VAT1L: variants seen among roughly 807,000 people sequenced by gnomAD.
VAT1L encodes vesicle amine transport 1 like.
A neutral mutation model predicts 44.1 loss-of-function variants in VAT1L; 34 were observed. That is an observed-to-expected ratio of 0.77 (90% CI 0.59 to 1.03). VAT1L has a LOEUF of 1.03. Among genes scored for constraint, VAT1L ranks in the 50% least tolerant of loss-of-function variants. The probability of loss-of-function intolerance (pLI) is 0.00; values close to 1 mark genes in which losing one functional copy is unlikely to be tolerated. For missense variants in VAT1L, 615 were observed against 538.8 expected, an observed-to-expected ratio of 1.14 and a Z score of -1.40; for synonymous variants, 253 against 202.2, an observed-to-expected ratio of 1.25 and a Z score of -2.13.
chr16:77,925,147 G>A (rs1184912761), intron 7 of VAT1L, among the ~76,000 whole-genome samples: 2 of 152,078 alleles, frequency 1.3e-5, no homozygotes, highest in Non-Finnish European at 2.9e-5. Flanking sequence ...TACTGCCAGG[G>A]CACACTAGGG....
intron 7 of VAT1L, among the ~76,000 whole-genome samples, chr16:77,939,935 C>T (rs1007931689): frequency 2.0e-5 from 3 of 152,142 alleles, no homozygotes; most frequent in African/African-American, 7.2e-5. Context: ...CAGCAAATTT[C>T]TCAGCAGTAG....
intron 7 of VAT1L, among the ~76,000 whole-genome samples, chr16:77,952,045 T>C (rs529207598): frequency 6.6e-6 from 1 of 152,138 alleles, no homozygotes; most frequent in Admixed American, 6.5e-5. Flanking sequence ...TGTTTGCTAA[T>C]TGGTGCTTAT....
intron 3 of VAT1L, among the ~76,000 whole-genome samples, chr16:77,830,923 A>T (rs1175744146): frequency 3.3e-5 from 5 of 152,196 alleles, no homozygotes; most frequent in Non-Finnish European, 5.9e-5. Context: ...ATCTCAGGTG[A>T]TCTGCCCGCC....
chr16:77,805,287 TC>T (rs1597168139), intron 1 of VAT1L, among the ~76,000 whole-genome samples: 1 of 152,176 alleles, frequency 6.6e-6, no homozygotes, highest in Non-Finnish European at 1.5e-5. Flanking sequence ...GTTCCCACAG[TC>T]TTGAGATAAC....
intron 4 of VAT1L, among the ~76,000 whole-genome samples, chr16:77,871,601 T>C (rs2017033868): frequency 6.6e-6 from 1 of 152,114 alleles, no homozygotes; most frequent in Non-Finnish European, 1.5e-5. Flanking sequence ...CTCTATGCAG[T>C]GGGCCCAGGG....
At chr16:77,791,134 T>C (rs1352493310) in intron 1 of VAT1L, among the ~76,000 whole-genome samples, 1 of 152,226 alleles carries the variant, frequency 6.6e-6, no homozygotes, top group Non-Finnish European at 1.5e-5. Context: ...ACTGGGCAGC[T>C]CCTTCTCCTC....
In VAT1L at chr16:77,892,466, G is replaced by C. The variant is rs1427486511; in HGVS notation, c.1077+7664G>C. The C allele has an allele frequency of 5.8e-6, 3 of 513,722 alleles. No individual in the cohort carries two copies. In the Admixed American group the frequency reaches 6.2e-5, roughly 11 times the overall value. 31.8% of individuals were successfully genotyped at this position (513,722 alleles called of 1,614,324 possible). A position where few individuals can be genotyped will look rare whatever the true frequency, so the allele number is the denominator to read the frequency against. On this transcript the variant is annotated intron_variant, in intron 7 of 8. Transcript: ENST00000302536. ...GTTGGGGTTGACAGTGCGGTTGATG[G>C]TGGGCCCTTGTGTCTCCTTTGAGCT...
chr16:77,938,986 C>G (rs566643575), intron 7 of VAT1L, among the ~76,000 whole-genome samples: 1 of 152,186 alleles, frequency 6.6e-6, no homozygotes, highest in East Asian at 1.9e-4. Context: ...CTGTCTACTC[C>G]AGGAATGAGA....
At chr16:77,938,955 G>A (rs1360982930) in intron 7 of VAT1L, among the ~76,000 whole-genome samples, 3 of 152,050 alleles carry the variant, frequency 2.0e-5, no homozygotes, top group Admixed American at 6.5e-5. Flanking sequence ...GAGTGGGTTG[G>A]GTGGTGTGAC....
intron 7 of VAT1L, among the ~76,000 whole-genome samples, chr16:77,895,136 T>C (rs688364): frequency 0.9 from 135,151 of 150,424 alleles, 61,223 homozygotes; most frequent in Non-Finnish European, 0.95. Context: ...TTCCGATTTC[T>C]ACGCACATTC....
At chr16:77,888,037 C>G (rs1189608699) in intron 7 of VAT1L, among the ~76,000 whole-genome samples, 2 of 152,200 alleles carry the variant, frequency 1.3e-5, no homozygotes, top group Non-Finnish European at 2.9e-5. Flanking sequence ...AGCCTTCAAA[C>G]ATGTTGCTCC....
chr16:77,814,524 T>C (rs1188139286), intron 1 of VAT1L, among the ~76,000 whole-genome samples: 1 of 152,196 alleles, frequency 6.6e-6, no homozygotes, highest in Non-Finnish European at 1.5e-5. Context: ...GCAGCCCAGT[T>C]GAGCAGCGTA....
At chr16:77,878,122 T>C (rs1220928558) in intron 5 of VAT1L, among the ~76,000 whole-genome samples, 3 of 152,226 alleles carry the variant, frequency 2.0e-5, no homozygotes, top group Non-Finnish European at 4.4e-5. Context: ...CGTTGATCAC[T>C]TGGTCACTAA....
Position 77,962,358 on chromosome 16 carries a change from C to T in VAT1L, c.1078-9492C>T, listed in dbSNP as rs558676124. 2.6e-5 allele frequency among the ~76,000 whole-genome samples: 4 copies of T among 152,200 alleles called. No individual in the cohort carries two copies. The East Asian group carries it at 7.7e-4, about 29-fold the overall frequency. On this transcript the variant is annotated intron_variant, in intron 7 of 8. Transcript: ENST00000302536. ...AGTGTATGTGTTGGGGGAGACTTTG[C>T]TTTGCATGGCTGTCCCTTTGGCTTC...
chr16:77,832,505 A>G (rs1451433276), intron 3 of VAT1L, among the ~76,000 whole-genome samples: 2 of 152,148 alleles, frequency 1.3e-5, no homozygotes, highest in African/African-American at 4.8e-5. Flanking sequence ...CTGGATCTCT[A>G]CCGGGCTCAG....
intron 7 of VAT1L, among the ~76,000 whole-genome samples, chr16:77,965,158 G>GCC (rs1567524417): frequency 4.6e-5 from 7 of 152,172 alleles, no homozygotes; most frequent in Admixed American, 4.6e-4. Context: ...CCCCAGGACA[G>GCC]AGAGAGAACA....
At chr16:77,924,509 G>A (rs1314169719) in intron 7 of VAT1L, among the ~76,000 whole-genome samples, 2 of 151,946 alleles carry the variant, frequency 1.3e-5, no homozygotes, top group Non-Finnish European at 2.9e-5. Flanking sequence ...CATCCAGGCT[G>A]GAGTGCAGTG....
intron 2 of VAT1L, among the ~76,000 whole-genome samples, chr16:77,820,756 A>C (rs901202270): frequency 6.6e-6 from 1 of 152,228 alleles, no homozygotes; most frequent in African/African-American, 2.4e-5. Context: ...CATGAACTTC[A>C]AGAACTACAT....
intron 1 of VAT1L, among the ~76,000 whole-genome samples, chr16:77,802,122 C>G (rs1390891555): frequency 2.0e-5 from 3 of 152,188 alleles, no homozygotes; most frequent in Non-Finnish European, 2.9e-5. Flanking sequence ...CGCTTTGAGC[C>G]TCAGCATCTC....
Sources: gnomAD v4.1 joint callset for allele counts (sites outside exome capture counted in the v4.1 genomes callset) on GRCh38, gnomAD v4.1.1 for gene constraint, MANE v1.5 for transcripts, NCBI Gene and HGNC (gene_info 2026-07-23, HGNC 2026-07-21) for gene names.